The following COLQ variants were observed in gnomAD, a reference collection of about 807,000 sequenced individuals.
COLQ encodes the protein acetylcholinesterase collagenic tail peptide.
Under a neutral mutation model 69.0 loss-of-function variants are expected in COLQ, and 48 were observed. That is an observed-to-expected ratio of 0.70 (90% CI 0.55 to 0.88). The LOEUF is 0.88. Ranked by LOEUF, COLQ falls within the 40% of genes least tolerant of loss-of-function variation. COLQ has a pLI of 0.00. For missense variants in COLQ, 618 were observed against 594.6 expected, an observed-to-expected ratio of 1.04 and a Z score of -0.41; for synonymous variants, 217 against 211.2, an observed-to-expected ratio of 1.03 and a Z score of -0.24.
chr3:15,504,675 A>G (rs1011757796), intron 1 of COLQ, among the ~76,000 whole-genome samples: 1 of 152,184 alleles, frequency 6.6e-6, no homozygotes, highest in African/African-American at 2.4e-5. Flanking sequence ...CCTGGCCAAC[A>G]TGGTGAAACC....
intron 1 of COLQ, among the ~76,000 whole-genome samples, chr3:15,513,729 C>A (rs1289568068): frequency 2.0e-5 from 3 of 152,310 alleles, no homozygotes; most frequent in Admixed American, 6.5e-5. Context: ...CACCACGGTG[C>A]CTTTGATTCT....
chr3:15,489,311 C>T (rs2062625032), intron 2 of COLQ, among the ~76,000 whole-genome samples: 1 of 152,174 alleles, frequency 6.6e-6, no homozygotes, highest in Non-Finnish European at 1.5e-5. Context: ...AATCTCCCTC[C>T]ATCATTTATT....
chr3:15,512,000 T>C (rs1403658608), intron 1 of COLQ, among the ~76,000 whole-genome samples: 1 of 152,146 alleles, frequency 6.6e-6, no homozygotes, highest in East Asian at 1.9e-4. Flanking sequence ...GGATGGCCAA[T>C]GTCGCCCCAT....
At chr3:15,467,849 G>C (rs1355860694) in intron 11 of COLQ, 1 of 456,524 alleles carries the variant, frequency 2.2e-6, no homozygotes, top group African/African-American at 2.0e-5. Flanking sequence ...ACAGGTGACC[G>C]GCTGCCTTGT....
chr3:15,518,515 C>G (rs2063092135), intron 1 of COLQ, among the ~76,000 whole-genome samples: 1 of 152,204 alleles, frequency 6.6e-6, no homozygotes. Flanking sequence ...GCATTTCTAT[C>G]ATCAGTTCTG....
chr3:15,498,469 CCACA>C (rs60324043), intron 1 of COLQ: 30 of 1,440,660 alleles, frequency 2.1e-5, no homozygotes, highest in Admixed American at 1.0e-4. Context: ...GCATGTGCAT[CCACA>C]CACACACACA....
intron 15 of COLQ, 151 bp downstream of exon 15, chr3:15,455,748 G>A: frequency 1.1e-6 from 1 of 928,230 alleles, no homozygotes; most frequent in South Asian, 1.4e-5. Context: ...GGGCAGCAGG[G>A]ACTGGGGTGG....
At position 15,475,423 on chromosome 3, in the gene COLQ, AC is replaced by A; in HGVS notation, c.528+1del. 1 of 1,594,908 alleles carries A rather than the reference AC, an allele frequency of 6.3e-7. No individual in the cohort carries two copies. Among genetic ancestry groups the A allele is most frequent in the African/African-American group, 1.3e-5 (1 of 74,778 alleles). On this transcript the variant is annotated splice_donor_variant, in intron 7 of 16. Coordinates refer to ENST00000383788, the MANE Select transcript of COLQ (RefSeq NM_005677.4). LOFTEE classifies it high-confidence loss of function. ...GAACGTCCATTTGGACCCCACACTG[AC>A]CTTGGAGCCCATTGGTCCTCTTGAC...
chr3:15,476,823 A>C (rs1396722832), intron 6 of COLQ, among the ~76,000 whole-genome samples: 2 of 152,196 alleles, frequency 1.3e-5, no homozygotes, highest in Admixed American at 6.5e-5. Context: ...CTCTTAGGTC[A>C]TCTCAGGGAA....
At chr3:15,480,353 C>G (rs1468881292) in intron 3 of COLQ, among the ~76,000 whole-genome samples, 2 of 151,642 alleles carry the variant, frequency 1.3e-5, no homozygotes, top group African/African-American at 4.9e-5. Context: ...CACGACAGGC[C>G]CTGGTATGTG....
At chr3:15,460,755 T>C (rs1335748107) in intron 12 of COLQ, among the ~76,000 whole-genome samples, 1 of 152,162 alleles carries the variant, frequency 6.6e-6, no homozygotes, top group Non-Finnish European at 1.5e-5. Context: ...AGAGCTCCAG[T>C]CTGTGTTCTG....
intron 1 of COLQ, among the ~76,000 whole-genome samples, chr3:15,491,573 T>A (rs1339126967): frequency 6.6e-6 from 1 of 152,254 alleles, no homozygotes; most frequent in Non-Finnish European, 1.5e-5. Flanking sequence ...GCACCCTTGA[T>A]GATGGAGCAT....
intron 1 of COLQ, among the ~76,000 whole-genome samples, chr3:15,493,327 C>T (rs918189958): frequency 1.3e-5 from 2 of 152,146 alleles, no homozygotes; most frequent in African/African-American, 4.8e-5. Flanking sequence ...CACATGGGCT[C>T]TGGGGAAAAA....
chr3:15,521,234 C>A (rs538170016), intron 1 of COLQ, among the ~76,000 whole-genome samples: 4 of 152,166 alleles, frequency 2.6e-5, no homozygotes, highest in Non-Finnish European at 4.4e-5. Context: ...AAATTCCTGA[C>A]CAAGATGAAA....
At chr3:15,463,641 T>C (rs949024319) in intron 12 of COLQ, among the ~76,000 whole-genome samples, 7 of 152,086 alleles carry the variant, frequency 4.6e-5, no homozygotes, top group Non-Finnish European at 8.8e-5. Context: ...CCACCGCGCC[T>C]GGCCTACTCC....
In COLQ at chr3:15,488,278, C is replaced by T. The variant is rs748046000; in HGVS notation, c.249G>A (p.Met83Ile). Reference sequence around the variant, plus strand: ...GGGACTGCGAGGTCTCCAGTTCCAGCATGAGATTCTTCATGTCTGGGGAGA... The same window carrying T: ...GGGACTGCGAGGTCTCCAGTTCCAGTATGAGATTCTTCATGTCTGGGGAGA... ...PLLSPDMKNL[M>I]LELETSQSPC... Residue 83 changes from methionine (M) to isoleucine (I), a missense_variant, in exon 3 of 17, where the codon ATG becomes ATA. Physicochemically the swap from Met to Ile is conservative, Grantham distance 10. Coordinates refer to ENST00000383788, the MANE Select transcript of COLQ (RefSeq NM_005677.4). The T allele has an allele frequency of 6.2e-7, 1 of 1,613,660 alleles. No homozygotes were observed. The highest frequency in any genetic ancestry group is 1.7e-5 in the Admixed American group (1 of 60,026).
intron 1 of COLQ, among the ~76,000 whole-genome samples, chr3:15,506,209 C>G (rs2062908735): frequency 6.6e-6 from 1 of 152,230 alleles, no homozygotes; most frequent in Non-Finnish European, 1.5e-5. Context: ...TCCTGTGATT[C>G]TACCAATCTG....
At chr3:15,498,175 CCAAGGTACCAGCTGCCAGCA>C (rs1298519894) in intron 1 of COLQ, among the ~76,000 whole-genome samples, 1 of 152,078 alleles carries the variant, frequency 6.6e-6, no homozygotes, top group Non-Finnish European at 1.5e-5. Context: ...CAGCTGCCAG[CCAAGGTACCAGCTGCCAGCA>C]CAAGGTACTT....
In COLQ at chr3:15,474,248, G is replaced by A. The variant is rs1463421779; in HGVS notation, c.580C>T (p.Leu194=). Residue 194 remains leucine, a synonymous_variant, in exon 9 of 17, where the codon CTG becomes TTG. Coordinates refer to ENST00000383788, the MANE Select transcript of COLQ (RefSeq NM_005677.4). ...ATTACCTTTTCTCCTTTGGGACCCA[G>A]GTCACCCTTTTCACCTCTGGATCCC... is the stretch of plus-strand genomic sequence containing the variant. ...EKGSRGEKGD[L]GPKGEKGFPG... 3 of 1,614,012 alleles carry A rather than the reference G, an allele frequency of 1.9e-6. No homozygotes were observed. Among genetic ancestry groups the A allele is most frequent in the East Asian group, 4.5e-5 (2 of 44,884 alleles).
Sources: gnomAD v4.1 joint callset for allele counts (sites outside exome capture counted in the v4.1 genomes callset) on GRCh38, gnomAD v4.1.1 for gene constraint, MANE v1.5 for transcripts, NCBI Gene and HGNC (gene_info 2026-07-23, HGNC 2026-07-21) for gene names.